Variants in KIF4B observed in about 807,000 individuals in gnomAD.
The protein encoded by KIF4B is kinesin family member 4B, also known as chromosome-associated kinesin KIF4B.
KIF4B carries 60 observed loss-of-function variants against 69.0 expected under a neutral mutation model. The observed-to-expected ratio is 0.87, with a 90% CI of 0.71 to 1.08. The LOEUF (loss-of-function observed/expected upper bound fraction) is 1.08, where lower values mean the gene tolerates loss of function less well. Ranked by LOEUF, KIF4B falls within the 50% of genes least tolerant of loss-of-function variation. The probability of loss-of-function intolerance (pLI) is 0.00; values close to 1 mark genes in which losing one functional copy is unlikely to be tolerated. For synonymous variants in KIF4B, 489 were observed against 533.0 expected (o/e 0.92, Z 1.14); for missense variants, 1,357 against 1,451.9 (o/e 0.93, Z 1.06).
Position 155,017,657 on chromosome 5 carries a change from C to T in KIF4B, c.*93C>T. The T allele has an allele frequency of 6.8e-7, 1 of 1,479,614 alleles. No individual in the cohort carries two copies. The highest frequency in any genetic ancestry group is 8.9e-7 in the Non-Finnish European group (1 of 1,118,760). The allele number at this position is 1,479,614 out of a possible 1,614,324, so 91.7% of individuals were successfully genotyped here. On this transcript the variant is annotated 3_prime_UTR_variant, in exon 1 of 1. Coordinates refer to ENST00000435029, the MANE Select transcript of KIF4B (RefSeq NM_001099293.3). ...TTTTTTAAATGACTTCTCTGGATTT[C>T]AGGTTTCTTGCCGTTGAAAAAAAGG...
Position 155,017,100 on chromosome 5 carries a change from T to A in KIF4B, c.3241T>A (p.Ser1081Thr), listed in dbSNP as rs377574558. The part of the protein sequence containing the change: ...EWKPTKLVKV[S>T]RKNIQGCSCK... ...GAAGCCAACAAAATTAGTCAAGGTG[T>A]CCAGGAAGAACATCCAAGGGTGTTC... is the stretch of plus-strand genomic sequence containing the variant. The change falls in exon 1 of 1, where the codon TCC (serine) becomes ACC (threonine). Residue 1081 changes from serine (S) to threonine (T), a missense_variant. Physicochemically the swap from Ser to Thr is moderately conservative, Grantham distance 58. Coordinates refer to ENST00000435029, the MANE Select transcript of KIF4B (RefSeq NM_001099293.3). 4.2e-5 allele frequency: 67 copies of A among 1,613,942 alleles called. No individual in the cohort carries two copies. The highest frequency in any genetic ancestry group is 5.4e-5 in the Non-Finnish European group (64 of 1,179,990).
Position 155,017,887 on chromosome 5 carries a change from T to C in KIF4B, c.*323T>C, listed in dbSNP as rs186458116. On this transcript the variant is annotated 3_prime_UTR_variant, in exon 1 of 1. Transcript: ENST00000435029. ...TTTGTGAGCAGTTCAGGCTATCTCC[T>C]GATGGGGATGAGGCCAAGGCTTTCT... The C allele has an allele frequency of 2.5e-3, 741 of 299,736 alleles. 4 individuals are homozygous for C. The highest frequency in any genetic ancestry group is 4.0e-3 in the Non-Finnish European group (609 of 153,354). The allele number at this position is 299,736 out of a possible 1,614,324, so 18.6% of individuals were successfully genotyped here.
Position 155,016,858 on chromosome 5 carries a change from C to G in KIF4B, c.2999C>G (p.Ala1000Gly). Residue 1000 changes from alanine to glycine, a missense_variant, in exon 1 of 1, where the codon GCC becomes GGC. Coordinates refer to ENST00000435029, the MANE Select transcript of KIF4B (RefSeq NM_001099293.3). ...CAGAAACTGATCCTCCTCCAGGTAG[C>G]CAGCAGACAGAAACATCTTCCTAAT... ...IKQKLILLQV[A>G]SRQKHLPNDT... is the part of the protein sequence containing the mutation. 6.2e-7 allele frequency: 1 copy of G among 1,614,186 alleles called. No homozygotes were observed. Among genetic ancestry groups the G allele is most frequent in the Non-Finnish European group, 8.5e-7 (1 of 1,180,038 alleles).
Position 155,017,591 on chromosome 5 carries a change from A to C in KIF4B, c.*27A>C. Reference sequence around the variant, plus strand: ...GTTGGAGTCATCATCTCTACCCCCAATCTGGCTTGGGAGATGCTTTCCAGT... The same window carrying C: ...GTTGGAGTCATCATCTCTACCCCCACTCTGGCTTGGGAGATGCTTTCCAGT... On this transcript the variant is annotated 3_prime_UTR_variant, in exon 1 of 1. Coordinates refer to ENST00000435029, the MANE Select transcript of KIF4B (RefSeq NM_001099293.3). The C allele has an allele frequency of 6.2e-7, 1 of 1,600,006 alleles. No homozygotes were observed. Among genetic ancestry groups the C allele is most frequent in the Non-Finnish European group, 8.5e-7 (1 of 1,174,598 alleles).
chr5:155,014,357 T>A lies in KIF4B; in HGVS notation c.498T>A (p.Asp166Glu). The change falls in exon 1 of 1, where the codon GAT (aspartate) becomes GAA (glutamate). Residue 166 changes from aspartate (D) to glutamate (E), a missense_variant. Physicochemically the swap from Asp to Glu is conservative, Grantham distance 45. Coordinates refer to ENST00000435029, the MANE Select transcript of KIF4B (RefSeq NM_001099293.3). ...REKAQINIREDPKEGIKIVGL... is the reference protein window; with the variant it reads ...REKAQINIREEPKEGIKIVGL... ...AAGCTCAAATAAATATACGGGAGGA[T>A]CCTAAGGAAGGCATAAAGATTGTGG... 6.2e-7 allele frequency: 1 copy of A among 1,614,184 alleles called. No individual in the cohort carries two copies.
rs1457015042 is a variant in KIF4B, at chr5:155,013,961, C to T, written c.102C>T (p.Phe34=). 2.5e-6 allele frequency: 4 copies of T among 1,614,148 alleles called. No homozygotes were observed. The highest frequency in any genetic ancestry group is 2.2e-5 in the East Asian group (1 of 44,902). Residue 34 remains phenylalanine (F), a synonymous_variant, in exon 1 of 1, where the codon TTC becomes TTT. Coordinates refer to ENST00000435029, the MANE Select transcript of KIF4B (RefSeq NM_001099293.3). ...ISEGCQMCLS[F]VPGETQVVVG... is the part of the protein sequence containing the mutation. ...AGGGCTGCCAGATGTGCCTTTCCTT[C>T]GTGCCCGGGGAGACTCAGGTGGTGG...
chr5:155,015,178 A>G lies in KIF4B; in HGVS notation c.1319A>G (p.His440Arg). 1.2e-6 allele frequency: 2 copies of G among 1,614,250 alleles called. No homozygotes were observed. Among genetic ancestry groups the G allele is most frequent in the Non-Finnish European group, 1.7e-6 (2 of 1,180,052 alleles). Reference sequence around the variant, plus strand: ...GCCAAGCTAGAAGAGCTCAGGCAGCATGTGGCCTGCAAGCTGGATCTTCAA... The same window carrying G: ...GCCAAGCTAGAAGAGCTCAGGCAGCGTGTGGCCTGCAAGCTGGATCTTCAA... ...LNAKLEELRQ[H>R]VACKLDLQKL... Residue 440 changes from histidine to arginine, a missense_variant, in exon 1 of 1, where the codon CAT becomes CGT. His to Arg is a conservative substitution (Grantham distance 29, BLOSUM62 0). Coordinates refer to ENST00000435029, the MANE Select transcript of KIF4B (RefSeq NM_001099293.3).
rs1286751595 is a variant in KIF4B at position 155,015,026 on chromosome 5, G to A, written c.1167G>A (p.Met389Ile). ...AEPSENLQSL[M>I]EKNQSLVEEN... ...CATCAGAGAATCTACAATCCCTGATGGAGAAGAATCAGTCCCTGGTAGAGG... is the reference window on the plus strand; with the variant it reads ...CATCAGAGAATCTACAATCCCTGATAGAGAAGAATCAGTCCCTGGTAGAGG... Residue 389 changes from methionine (M) to isoleucine (I), a missense_variant, in exon 1 of 1, where the codon ATG (methionine) becomes ATA (isoleucine). Transcript: ENST00000435029. 4 of 1,614,104 alleles carry A rather than the reference G, an allele frequency of 2.5e-6. No individual in the cohort carries two copies. The highest frequency in any genetic ancestry group is 1.7e-5 in the Admixed American group (1 of 60,004).
chr5:155,016,451 G>C lies in KIF4B; in HGVS notation c.2592G>C (p.Lys864Asn), dbSNP rs547105317. The change falls in exon 1 of 1, where the codon AAG becomes AAC. Residue 864 changes from lysine to asparagine, a missense_variant. Transcript: ENST00000435029. ...ATATTGCCACCATTCTGGAAGCCAA[G>C]TGTGCCCTGAAATATTTGATTGGAG... ...WENIATILEA[K>N]CALKYLIGEL... is the part of the protein sequence containing the mutation. 10 of 1,614,212 alleles carry C rather than the reference G, an allele frequency of 6.2e-6. No homozygotes were observed. In the South Asian group the frequency reaches 9.9e-5, roughly 16 times the overall value.
chr5:155,017,081 A>C lies in KIF4B; in HGVS notation c.3222A>C (p.Pro1074=). The C allele has an allele frequency of 6.2e-7, 1 of 1,614,064 alleles. No individual in the cohort carries two copies. The highest frequency in any genetic ancestry group is 8.5e-7 in the Non-Finnish European group (1 of 1,179,928). ...SDEGDDEEWK[P]TKLVKVSRKN... ...AGGGGGATGATGAGGAATGGAAGCC[A>C]ACAAAATTAGTCAAGGTGTCCAGGA... Residue 1074 remains proline (P), a synonymous_variant, in exon 1 of 1, where the codon CCA becomes CCC. Coordinates refer to ENST00000435029, the MANE Select transcript of KIF4B (RefSeq NM_001099293.3).
At position 155,014,221 on chromosome 5, in the gene KIF4B, T is replaced by A; in HGVS notation, c.362T>A (p.Leu121Gln). 1 of 1,614,264 alleles carries A rather than the reference T, an allele frequency of 6.2e-7. No homozygotes were observed. The highest frequency in any genetic ancestry group is 8.5e-7 in the Non-Finnish European group (1 of 1,180,050). ...TVGIIPRVIQLLFKEIDKKSD... is the reference protein window; with the variant it reads ...TVGIIPRVIQQLFKEIDKKSD... ...GGCATTATTCCTAGGGTAATACAACTGCTCTTCAAAGAAATTGATAAAAAG... is the reference window on the plus strand; with the variant it reads ...GGCATTATTCCTAGGGTAATACAACAGCTCTTCAAAGAAATTGATAAAAAG... The change falls in exon 1 of 1, where the codon CTG (leucine) becomes CAG (glutamine). Residue 121 changes from leucine (L) to glutamine (Q), a missense_variant. Leu to Gln is a moderately radical substitution (Grantham distance 113, BLOSUM62 -2). Transcript: ENST00000435029.
rs373482077 is a variant in KIF4B at position 155,015,255 on chromosome 5, A to C, written c.1396A>C (p.Ile466Leu). ...DQELKENVEI[I>L]CNLQQLITQL... Reference sequence around the variant, plus strand: ...GGAATTGAAAGAAAATGTAGAGATAATTTGTAACCTGCAGCAACTGATTAC... The same window carrying C: ...GGAATTGAAAGAAAATGTAGAGATACTTTGTAACCTGCAGCAACTGATTAC... The change falls in exon 1 of 1, where the codon ATT becomes CTT. Residue 466 changes from isoleucine to leucine, a missense_variant. Coordinates refer to ENST00000435029, the MANE Select transcript of KIF4B (RefSeq NM_001099293.3). The C allele has an allele frequency of 8.7e-5, 140 of 1,614,078 alleles. No homozygotes were observed. The highest frequency in any genetic ancestry group is 1.1e-4 in the Non-Finnish European group (135 of 1,180,034).
Position 155,014,249 on chromosome 5 carries a change from T to C in KIF4B, c.390T>C (p.Ser130=). The change falls in exon 1 of 1, where the codon AGT becomes AGC. Residue 130 remains serine, a synonymous_variant. Coordinates refer to ENST00000435029, the MANE Select transcript of KIF4B (RefSeq NM_001099293.3). ...QLLFKEIDKK[S]DFEFTLKVSY... is the part of the protein sequence containing the mutation. ...TCTTCAAAGAAATTGATAAAAAGAG[T>C]GACTTTGAATTTACTCTGAAAGTGT... is the stretch of plus-strand genomic sequence containing the variant. 1.2e-6 allele frequency: 2 copies of C among 1,614,104 alleles called. No homozygotes were observed. The highest frequency in any genetic ancestry group is 1.7e-6 in the Non-Finnish European group (2 of 1,180,040).
At position 155,014,527 on chromosome 5, in the gene KIF4B, GAA is replaced by G. The variant is rs762943130; in HGVS notation, c.670_671del (p.Lys224GlufsTer3). 1.2e-6 allele frequency: 2 copies of G among 1,614,076 alleles called. No homozygotes were observed. The highest frequency in any genetic ancestry group is 2.2e-5 in the South Asian group (2 of 91,078). ...ATCTTTACAATCTCCATAGAGCAAA[GAA>G]AGAAAAGTGACAAGAATTGCAGCTT... On this transcript the variant is annotated frameshift_variant, in exon 1 of 1. Coordinates refer to ENST00000435029, the MANE Select transcript of KIF4B (RefSeq NM_001099293.3). LOFTEE classifies it high-confidence loss of function.
Position 155,015,064 on chromosome 5 carries a change from T to C in KIF4B, c.1205T>C (p.Leu402Ser). 6.2e-7 allele frequency: 1 copy of C among 1,614,070 alleles called. No individual in the cohort carries two copies. The highest frequency in any genetic ancestry group is 8.5e-7 in the Non-Finnish European group (1 of 1,180,018). ...TCCCTGGTAGAGGAGAATGAAAAATTAAGTCGTTGTCTGAGCAAGGCAGCT... is the reference window on the plus strand; with the variant it reads ...TCCCTGGTAGAGGAGAATGAAAAATCAAGTCGTTGTCTGAGCAAGGCAGCT... ...NQSLVEENEK[L>S]SRCLSKAAGQ... is the part of the protein sequence containing the mutation. The change falls in exon 1 of 1, where the codon TTA becomes TCA. Residue 402 changes from leucine to serine, a missense_variant. Leu to Ser is a moderately radical substitution (Grantham distance 145). Coordinates refer to ENST00000435029, the MANE Select transcript of KIF4B (RefSeq NM_001099293.3).
chr5:155,016,197 C>T lies in KIF4B; in HGVS notation c.2338C>T (p.Gln780Ter). The T allele has an allele frequency of 6.2e-7, 1 of 1,614,080 alleles. No individual in the cohort carries two copies. Among genetic ancestry groups the T allele is most frequent in the Non-Finnish European group, 8.5e-7 (1 of 1,180,012 alleles). ...DRKILAQDVV[Q>*]LKEKKESREN... ...AAAGATCCTGGCTCAGGATGTGGTTCAACTCAAAGAAAAAAAGGAATCTCG... is the reference window on the plus strand; with the variant it reads ...AAAGATCCTGGCTCAGGATGTGGTTTAACTCAAAGAAAAAAAGGAATCTCG... Residue 780 changes from glutamine (Q) to a stop codon, truncating the protein, a stop_gained, in exon 1 of 1, where the codon CAA becomes TAA. Transcript: ENST00000435029. LOFTEE classifies it high-confidence loss of function.
Position 155,017,652 on chromosome 5 carries a change from G to A in KIF4B, c.*88G>A. 6.7e-7 allele frequency: 1 copy of A among 1,485,394 alleles called. No homozygotes were observed. The highest frequency in any genetic ancestry group is 8.9e-7 in the Non-Finnish European group (1 of 1,121,844). The allele number at this position is 1,485,394 out of a possible 1,614,324, so 92.0% of individuals were successfully genotyped here. A position where few individuals can be genotyped will look rare whatever the true frequency, so the allele number is the denominator to read the frequency against. ...AGGGGTTTTTTAAATGACTTCTCTG[G>A]ATTTCAGGTTTCTTGCCGTTGAAAA... On this transcript the variant is annotated 3_prime_UTR_variant, in exon 1 of 1. Transcript: ENST00000435029.
Position 155,015,720 on chromosome 5 carries a change from A to G in KIF4B, c.1861A>G (p.Lys621Glu). The change falls in exon 1 of 1, where the codon AAA becomes GAA. Residue 621 changes from lysine to glutamate, a missense_variant. Coordinates refer to ENST00000435029, the MANE Select transcript of KIF4B (RefSeq NM_001099293.3). ...GAAGAAGAAACTGAATGAGCAGTCC[A>G]AACTTCTGAAACTAAAGGAATCCAC... ...DLKKKLNEQS[K>E]LLKLKESTER... 6.2e-7 allele frequency: 1 copy of G among 1,614,224 alleles called. No homozygotes were observed. The highest frequency in any genetic ancestry group is 1.6e-4 in the Middle Eastern group (1 of 6,062).
At position 155,015,776 on chromosome 5, in the gene KIF4B, G is replaced by T; in HGVS notation, c.1917G>T (p.Glu639Asp). The part of the protein sequence containing the change: ...TERTVSKLNQ[E>D]IWMMKNQRVQ... ...GTACTGTCTCCAAGCTGAACCAAGA[G>T]ATATGGATGATGAAAAACCAGCGGG... The change falls in exon 1 of 1, where the codon GAG (glutamate) becomes GAT (aspartate). Residue 639 changes from glutamate (E) to aspartate (D), a missense_variant. Physicochemically the swap from Glu to Asp is conservative, Grantham distance 45 (BLOSUM62 2). Coordinates refer to ENST00000435029, the MANE Select transcript of KIF4B (RefSeq NM_001099293.3). 1 of 1,614,192 alleles carries T rather than the reference G, an allele frequency of 6.2e-7. No homozygotes were observed. The highest frequency in any genetic ancestry group is 2.2e-5 in the East Asian group (1 of 44,884).
Sources: gnomAD v4.1 joint callset for allele counts on GRCh38, gnomAD v4.1.1 for gene constraint, MANE v1.5 for transcripts, NCBI Gene and HGNC (gene_info 2026-07-23, HGNC 2026-07-21) for gene names.